The following PCDH9 variants were observed in gnomAD, a reference collection of about 807,000 sequenced individuals.
PCDH9 encodes protocadherin-9.
PCDH9 carries 24 observed loss-of-function variants against 70.6 expected under a neutral mutation model. That is an observed-to-expected ratio of 0.34 (90% CI 0.25 to 0.48). The LOEUF (loss-of-function observed/expected upper bound fraction) is 0.48, where lower values mean the gene tolerates loss of function less well. Among genes scored for constraint, PCDH9 ranks in the 20% least tolerant of loss-of-function variants. PCDH9 has a pLI of 0.99. For synonymous variants in PCDH9, 562 were observed against 558.5 expected (o/e 1.01, Z -0.09); for missense variants, 1,281 against 1,503.6 (o/e 0.85, Z 2.45).
intron 4 of PCDH9, among the ~76,000 whole-genome samples, chr13:66,600,330 G>A (rs925965699): frequency 1.3e-5 from 2 of 151,752 alleles, no homozygotes; most frequent in African/African-American, 4.8e-5. Flanking sequence ...TTAGAACCAC[G>A]AAGTCTACTG....
chr13:67,197,347 A>G (rs1370300428), intron 2 of PCDH9, among the ~76,000 whole-genome samples: 1 of 152,028 alleles, frequency 6.6e-6, no homozygotes, highest in Non-Finnish European at 1.5e-5. Flanking sequence ...TTTAGCCATT[A>G]TTAGACAAGG....
At chr13:66,899,042 C>T (rs1053904180) in intron 3 of PCDH9, among the ~76,000 whole-genome samples, 1 of 151,950 alleles carries the variant, frequency 6.6e-6, no homozygotes, top group African/African-American at 2.4e-5. Flanking sequence ...TGGGAGTTCT[C>T]CTCTCACGCA....
chr13:66,523,459 A>G (rs1226674885), intron 4 of PCDH9, among the ~76,000 whole-genome samples: 1 of 152,084 alleles, frequency 6.6e-6, no homozygotes, highest in Non-Finnish European at 1.5e-5. Context: ...TGATGACAGT[A>G]TTTCATTTGT....
rs145149717 is a variant in PCDH9 at position 67,039,486 on chromosome 13, C to T, written c.3037-135881G>A. The stretch of plus-strand genomic sequence containing the variant: ...TGCCCCATCCCTATAAAACCTGGCC[C>T]AGCCCCCAGCTTGGGGAGACAGATC... On this transcript the variant is annotated intron_variant, in intron 2 of 4. Transcript: ENST00000377865. Among the ~76,000 whole-genome samples the T allele has an allele frequency of 8.4e-4, 128 of 152,220 alleles. 1 individual carries two copies. The highest frequency in any genetic ancestry group is 2.9e-3 in the African/African-American group (120 of 41,536).
At chr13:67,052,123 A>G (rs1327176157) in intron 2 of PCDH9, among the ~76,000 whole-genome samples, 1 of 152,050 alleles carries the variant, frequency 6.6e-6, no homozygotes. Flanking sequence ...TCCAAATCCT[A>G]TTTCTAAAAT....
intron 4 of PCDH9, among the ~76,000 whole-genome samples, chr13:66,376,561 C>A (rs920130947): frequency 6.6e-6 from 1 of 151,826 alleles, no homozygotes; most frequent in East Asian, 1.9e-4. Context: ...AAGATGCTTT[C>A]TTTTAAAAGG....
intron 2 of PCDH9, among the ~76,000 whole-genome samples, chr13:66,991,964 T>A (rs901871562): frequency 5.3e-5 from 8 of 152,172 alleles, no homozygotes; most frequent in Non-Finnish European, 8.8e-5. Flanking sequence ...GGGTTTTTTT[T>A]AAATTTAAGA....
At chr13:66,661,995 C>G (rs1593854951) in intron 3 of PCDH9, among the ~76,000 whole-genome samples, 1 of 152,092 alleles carries the variant, frequency 6.6e-6, no homozygotes, top group East Asian at 1.9e-4. Flanking sequence ...CTCAGTGTTA[C>G]ATTTGTTTAA....
At chr13:66,483,826 G>A (rs1260001811) in intron 4 of PCDH9, among the ~76,000 whole-genome samples, 3 of 152,038 alleles carry the variant, frequency 2.0e-5, no homozygotes, top group African/African-American at 4.8e-5. Context: ...GGCCTGCCAC[G>A]CCCCCTTCCT....
At chr13:66,804,364 A>G (rs1036663933) in intron 3 of PCDH9, among the ~76,000 whole-genome samples, 1 of 152,204 alleles carries the variant, frequency 6.6e-6, no homozygotes, top group South Asian at 2.1e-4. Context: ...GTCATTTGGC[A>G]TAAACAATGA....
chr13:66,593,169 T>C (rs1296371065), intron 4 of PCDH9, among the ~76,000 whole-genome samples: 1 of 151,844 alleles, frequency 6.6e-6, no homozygotes, highest in Middle Eastern at 3.4e-3. Flanking sequence ...TATGATTAGA[T>C]GCAGTGCTTA....
intron 3 of PCDH9, among the ~76,000 whole-genome samples, chr13:66,837,599 G>C (rs371131013): frequency 3.3e-5 from 5 of 152,122 alleles, no homozygotes; most frequent in African/African-American, 1.2e-4. Context: ...AACGAGGAAG[G>C]GAAGGAGGAG....
At chr13:66,493,843 T>G (rs975122655) in intron 4 of PCDH9, among the ~76,000 whole-genome samples, 26 of 152,102 alleles carry the variant, frequency 1.7e-4, no homozygotes, top group African/African-American at 6.0e-4. Context: ...ATTTAATCAA[T>G]GCTCAAGGCC....
intron 4 of PCDH9, among the ~76,000 whole-genome samples, chr13:66,573,154 G>T (rs2076758332): frequency 6.6e-6 from 1 of 151,240 alleles, no homozygotes; most frequent in Non-Finnish European, 1.5e-5. Context: ...TTCCATTATG[G>T]TTTTGATTTG....
intron 3 of PCDH9, among the ~76,000 whole-genome samples, chr13:66,754,785 A>AT (rs2079515547): frequency 6.6e-6 from 1 of 152,136 alleles, no homozygotes. Flanking sequence ...GTATCCAATT[A>AT]TTTTTCTTAT....
intron 3 of PCDH9, among the ~76,000 whole-genome samples, chr13:66,762,134 A>ACC (rs1318673693): frequency 2.0e-5 from 3 of 151,940 alleles, no homozygotes; most frequent in Non-Finnish European, 4.4e-5. Context: ...TTCCCTCAGA[A>ACC]CCACCATGGT....
intron 3 of PCDH9, among the ~76,000 whole-genome samples, chr13:66,717,442 ACT>A (rs1327521654): frequency 6.5e-5 from 7 of 107,168 alleles, no homozygotes; most frequent in Non-Finnish European, 1.3e-4. Flanking sequence ...ACAGAGCAAG[ACT>A]CTGTCTCAAA....
In PCDH9 at chr13:67,226,059, G is replaced by C; in HGVS notation, c.2382C>G (p.Thr794=). Reference sequence around the variant, plus strand: ...TATCCCCTATGTTCCTGTCCAACGGGGTCTCCATAGTCCTGCGGATCAAGT... The same window carrying C: ...TATCCCCTATGTTCCTGTCCAACGGCGTCTCCATAGTCCTGCGGATCAAGT... ...IYDLIRRTME[T]PLDRNIGDSS... is the part of the protein sequence containing the mutation. Residue 794 remains threonine, a synonymous_variant, in exon 2 of 5, where the codon ACC becomes ACG. Coordinates refer to ENST00000377865, the MANE Select transcript of PCDH9 (RefSeq NM_203487.3). The surrounding 1 kb of genome is among the most constrained non-coding windows in gnomAD (Gnocchi z 5.0). 3.7e-6 allele frequency: 6 copies of C among 1,613,900 alleles called. No individual in the cohort carries two copies. The highest frequency in any genetic ancestry group is 5.1e-6 in the Non-Finnish European group (6 of 1,179,946).
chr13:66,673,294 C>G lies in PCDH9; in HGVS notation c.3139-41883G>C, dbSNP rs181299198. On this transcript the variant is annotated intron_variant, in intron 3 of 4. Coordinates refer to ENST00000377865, the MANE Select transcript of PCDH9 (RefSeq NM_203487.3). ...TCCCCTGCACATGCTCTCTTGCTTG[C>G]TGCCATATAAGACACGCCTTTGCTC... Among the ~76,000 whole-genome samples, 153 of 152,286 alleles carry G rather than the reference C, an allele frequency of 1.0e-3. 5 individuals are homozygous for G. In the East Asian group the frequency reaches 0.027, roughly 27 times the overall value.
Sources: gnomAD v4.1 joint callset for allele counts (sites outside exome capture counted in the v4.1 genomes callset) on GRCh38, gnomAD v4.1.1 for gene constraint, Gnocchi (gnomAD v3.1) non-coding constraint, MANE v1.5 for transcripts, NCBI Gene and HGNC (gene_info 2026-07-23, HGNC 2026-07-21) for gene names.